Variants in FAM227B observed in about 807,000 individuals in gnomAD.
FAM227B encodes protein FAM227B.
In FAM227B, 88 loss-of-function variants were observed where a neutral mutation model predicts 73.8. The observed-to-expected ratio is 1.19, with a 90% confidence interval of 1.00 to 1.42. The LOEUF (loss-of-function observed/expected upper bound fraction) is 1.42, where lower values mean the gene tolerates loss of function less well. Ranked by LOEUF, FAM227B falls within the 40% of genes most tolerant of loss-of-function variation. The pLI, the probability that FAM227B is intolerant of heterozygous loss-of-function variation, is 0.00. For synonymous variants in FAM227B, 210 were observed against 190.5 expected (o/e 1.10, Z -0.84); for missense variants, 632 against 590.9 (o/e 1.07, Z -0.72).
intron 11 of FAM227B, among the ~76,000 whole-genome samples, chr15:49,497,297 T>C (rs1399006038): frequency 6.6e-6 from 1 of 152,180 alleles, no homozygotes; most frequent in Non-Finnish European, 1.5e-5. Flanking sequence ...AGTAAATACA[T>C]GATCTGAATC....
intron 3 of FAM227B, among the ~76,000 whole-genome samples, chr15:49,603,434 T>A (rs2077327669): frequency 6.6e-6 from 1 of 152,210 alleles, no homozygotes; most frequent in African/African-American, 2.4e-5. Flanking sequence ...CTTTTTCAGA[T>A]TTTTCTCTCT....
chr15:49,328,156 C>G lies in FAM227B; in HGVS notation c.*412G>C, dbSNP rs983943521. The G allele has an allele frequency of 6.2e-7, 1 of 1,612,176 alleles. No homozygotes were observed. Among genetic ancestry groups the G allele is most frequent in the African/African-American group, 1.3e-5 (1 of 74,802 alleles). The stretch of plus-strand genomic sequence containing the variant: ...GTGGGGCTTTGGTTTTGCTTGAGGC[C>G]TGAAAAAATGTAAAAAGTCTGAGAG... On this transcript the variant is annotated 3_prime_UTR_variant, in exon 16 of 16. Transcript: ENST00000299338.
At chr15:49,442,455 T>C (rs2051753605) in intron 11 of FAM227B, among the ~76,000 whole-genome samples, 1 of 151,752 alleles carries the variant, frequency 6.6e-6, no homozygotes, top group Non-Finnish European at 1.5e-5. Context: ...ATTACTGTTA[T>C]GATTTTCTCC....
intron 11 of FAM227B, among the ~76,000 whole-genome samples, chr15:49,439,647 G>A (rs1437406069): frequency 6.6e-6 from 1 of 151,774 alleles, no homozygotes; most frequent in East Asian, 1.9e-4. Context: ...ACAAGCCTGA[G>A]AAGTAGATAG....
intron 6 of FAM227B, chr15:49,577,074 A>C: frequency 2.5e-6 from 1 of 404,516 alleles, no homozygotes; most frequent in South Asian, 3.6e-5. Flanking sequence ...AAGTGGGTGG[A>C]TCACTTGAGG....
intron 11 of FAM227B, chr15:49,395,880 T>C (rs896074645): frequency 2.2e-6 from 1 of 452,404 alleles, no homozygotes; most frequent in African/African-American, 2.0e-5. Context: ...TAAATTTTCA[T>C]GGCTGAGGAT....
intron 11 of FAM227B, among the ~76,000 whole-genome samples, chr15:49,439,884 G>A (rs2051472353): frequency 6.6e-6 from 1 of 151,752 alleles, no homozygotes; most frequent in Non-Finnish European, 1.5e-5. Flanking sequence ...GAAGCCATGA[G>A]ATCATAGAGT....
At position 49,328,240 on chromosome 15, in the gene FAM227B, T is replaced by A; in HGVS notation, c.*328A>T. ...TTTCTGTGCCACAGTAAATTAATCT[T>A]CCTTCTGTTTTGTATTATGATGAAC... On this transcript the variant is annotated 3_prime_UTR_variant, in exon 16 of 16. Coordinates refer to ENST00000299338, the MANE Select transcript of FAM227B (RefSeq NM_152647.3). 1 of 1,500,308 alleles carries A rather than the reference T, an allele frequency of 6.7e-7. No individual in the cohort carries two copies. The highest frequency in any genetic ancestry group is 8.9e-7 in the Non-Finnish European group (1 of 1,123,616). The allele number at this position is 1,500,308 out of a possible 1,614,324, so 92.9% of individuals were successfully genotyped here.
intron 11 of FAM227B, among the ~76,000 whole-genome samples, chr15:49,410,961 AGTGT>A (rs149188677): frequency 8.7e-6 from 1 of 114,470 alleles, no homozygotes; most frequent in African/African-American, 3.3e-5. Flanking sequence ...AGCATTTGAG[AGTGT>A]GTGTGTGTGT....
At chr15:49,437,464 G>C (rs2051210975) in intron 11 of FAM227B, among the ~76,000 whole-genome samples, 1 of 151,536 alleles carries the variant, frequency 6.6e-6, no homozygotes, top group Non-Finnish European at 1.5e-5. Context: ...AAAAGAAAGG[G>C]AATAAAAATG....
intron 9 of FAM227B, among the ~76,000 whole-genome samples, chr15:49,556,836 C>T (rs1304485260): frequency 6.6e-6 from 1 of 152,182 alleles, no homozygotes; most frequent in Non-Finnish European, 1.5e-5. Context: ...GCACTAATCC[C>T]TCTGGCCTCT....
At chr15:49,489,876 A>T (rs1597541730) in intron 11 of FAM227B, among the ~76,000 whole-genome samples, 1 of 17,064 alleles carries the variant, frequency 5.9e-5, no homozygotes, top group Non-Finnish European at 1.4e-4. Context: ...ATATATATAT[A>T]TATATATAGA....
chr15:49,503,555 C>A lies in FAM227B; in HGVS notation c.1012+4656G>T, dbSNP rs1424128714. Among the ~76,000 whole-genome samples the A allele has an allele frequency of 3.9e-5, 6 of 152,178 alleles. 1 individual carries two copies. In the East Asian group the frequency reaches 1.2e-3, roughly 29 times the overall value. ...ACAAAGGGCTAATATCCAGACTCTA[C>A]AAAGAACTCAAACAAATTTACAAGA... On this transcript the variant is annotated intron_variant, in intron 11 of 15. Transcript: ENST00000299338.
At chr15:49,559,962 AC>A (rs1178392567) in intron 9 of FAM227B, among the ~76,000 whole-genome samples, 2 of 151,888 alleles carry the variant, frequency 1.3e-5, no homozygotes, top group Non-Finnish European at 2.9e-5. Flanking sequence ...AAATTCTGAC[AC>A]CAAAAATACC....
intron 4 of FAM227B, among the ~76,000 whole-genome samples, 157 bp from the exon 5 acceptor site, chr15:49,588,240 CTGAA>C (rs2076291891): frequency 6.6e-6 from 1 of 151,436 alleles, no homozygotes; most frequent in Non-Finnish European, 1.5e-5. Flanking sequence ...ACACTGTTAG[CTGAA>C]TGAATAACTG....
intron 10 of FAM227B, among the ~76,000 whole-genome samples, chr15:49,522,929 T>G (rs985500517): frequency 6.6e-6 from 1 of 152,112 alleles, no homozygotes; most frequent in Non-Finnish European, 1.5e-5. Context: ...TACAAGAAAT[T>G]CAAGGACACC....
At chr15:49,397,137 C>T (rs2047737321) in intron 11 of FAM227B, among the ~76,000 whole-genome samples, 3 of 152,150 alleles carry the variant, frequency 2.0e-5, no homozygotes, top group East Asian at 1.9e-4. Flanking sequence ...ATAACGAATA[C>T]AGAGAAGTGC....
At chr15:49,497,483 C>A (rs1191112497) in intron 11 of FAM227B, among the ~76,000 whole-genome samples, 1 of 152,212 alleles carries the variant, frequency 6.6e-6, no homozygotes, top group Non-Finnish European at 1.5e-5. Flanking sequence ...AATCCATACC[C>A]TGCTCTGCCA....
chr15:49,357,471 A>G (rs559992525), intron 13 of FAM227B, among the ~76,000 whole-genome samples: 14 of 152,118 alleles, frequency 9.2e-5, no homozygotes, highest in Non-Finnish European at 1.9e-4. Flanking sequence ...ATGCAAATAA[A>G]CTAGAAAATC....
Sources: gnomAD v4.1 joint callset for allele counts (sites outside exome capture counted in the v4.1 genomes callset) on GRCh38, gnomAD v4.1.1 for gene constraint, MANE v1.5 for transcripts, NCBI Gene and HGNC (gene_info 2026-07-23, HGNC 2026-07-21) for gene names.